Variants in DLGAP1 observed in about 807,000 individuals in gnomAD.
DLGAP1 encodes DLG associated protein 1.
DLGAP1 carries 11 observed loss-of-function variants against 90.8 expected under a neutral mutation model. The ratio of observed to expected loss-of-function variants is 0.12; its 90% CI spans 0.08 to 0.20. The LOEUF is 0.20. Among genes scored for constraint, DLGAP1 ranks in the 10% least tolerant of loss-of-function variants. The pLI, the probability that DLGAP1 is intolerant of heterozygous loss-of-function variation, is 1.00. For missense variants in DLGAP1, 1,050 were observed against 1,333.8 expected (o/e 0.79, Z 3.31); for synonymous variants, 558 against 540.7 (o/e 1.03, Z -0.44).
intron 3 of DLGAP1, among the ~76,000 whole-genome samples, chr18:3,989,099 C>T (rs769517347): frequency 1.3e-5 from 2 of 152,188 alleles, no homozygotes; most frequent in South Asian, 2.1e-4. Flanking sequence ...TCCCAGGACC[C>T]GGTCCCTATG....
chr18:3,598,594 A>G (rs931990936), intron 7 of DLGAP1, among the ~76,000 whole-genome samples: 2 of 147,682 alleles, frequency 1.4e-5, no homozygotes, highest in African/African-American at 2.5e-5. Context: ...CAGCCTCCCT[A>G]GTAGCTGGGA....
chr18:4,201,374 AGGGGGTCCTTTCCCCAAT>A (rs1022263557), intron 1 of DLGAP1, among the ~76,000 whole-genome samples: 1 of 152,146 alleles, frequency 6.6e-6, no homozygotes, highest in Non-Finnish European at 1.5e-5. Context: ...TTTATTGAAT[AGGGGGTCCTTTCCCCAAT>A]GTATGATTTT....
At chr18:4,449,379 T>C (rs2083759088) in intron 1 of DLGAP1, among the ~76,000 whole-genome samples, 1 of 152,184 alleles carries the variant, frequency 6.6e-6, no homozygotes, top group South Asian at 2.1e-4. Context: ...CCCATCACCT[T>C]ATATTCAGGC....
intron 3 of DLGAP1, among the ~76,000 whole-genome samples, chr18:4,002,671 A>G (rs1227154739): frequency 2.0e-5 from 3 of 152,190 alleles, no homozygotes; most frequent in Non-Finnish European, 4.4e-5. Context: ...ATAGTAGATT[A>G]TTAGTAGTTT....
chr18:4,266,048 T>C (rs2079124759), intron 1 of DLGAP1, among the ~76,000 whole-genome samples: 1 of 152,124 alleles, frequency 6.6e-6, no homozygotes. Flanking sequence ...ATTTTGCTCT[T>C]ATAGTGTGTT....
intron 2 of DLGAP1, among the ~76,000 whole-genome samples, chr18:4,127,696 A>G (rs1016771948): frequency 6.6e-6 from 1 of 152,192 alleles, no homozygotes; most frequent in African/African-American, 2.4e-5. Flanking sequence ...CTAAAATACT[A>G]TTTTATTGCT....
chr18:4,159,557 T>C (rs868413009), intron 1 of DLGAP1, among the ~76,000 whole-genome samples: 1 of 152,268 alleles, frequency 6.6e-6, no homozygotes, highest in South Asian at 2.1e-4. Context: ...TTTTTCTCAG[T>C]AAAATGAAAG....
chr18:3,915,238 C>T (rs1255034845), intron 3 of DLGAP1, among the ~76,000 whole-genome samples: 3 of 152,164 alleles, frequency 2.0e-5, no homozygotes, highest in African/African-American at 7.2e-5. Context: ...GAAACTATGG[C>T]TTCTTTTAAT....
Position 4,454,311 on chromosome 18 carries a change from T to C in DLGAP1, c.-267+695A>G, listed in dbSNP as rs569367607. The stretch of plus-strand genomic sequence containing the variant: ...AGCCCGGCTCATTCAATTCGCTGAA[T>C]GTCGGGTCTCCCGGCCCGCCCCGCG... On this transcript the variant is annotated intron_variant, in intron 1 of 12. Transcript: ENST00000315677. The surrounding 1 kb of genome is among the most constrained non-coding windows in gnomAD (Gnocchi z 4.7). Among the ~76,000 whole-genome samples, 1 of 152,286 alleles carries C rather than the reference T, an allele frequency of 6.6e-6. No individual in the cohort carries two copies. Among genetic ancestry groups the C allele is most frequent in the Admixed American group, 6.5e-5 (1 of 15,304 alleles).
At chr18:3,742,784 G>T (rs1284235070) in intron 5 of DLGAP1, among the ~76,000 whole-genome samples, 1 of 152,206 alleles carries the variant, frequency 6.6e-6, no homozygotes, top group East Asian at 1.9e-4. Context: ...ATCCTAGGAA[G>T]CAGATAATAA....
chr18:4,045,390 T>C (rs182908273), intron 2 of DLGAP1, among the ~76,000 whole-genome samples: 4 of 113,690 alleles, frequency 3.5e-5, no homozygotes, highest in African/African-American at 1.3e-4. Context: ...TTCTTGGAAA[T>C]AGAGATCACA....
chr18:3,506,026 C>T (rs1340439908), intron 11 of DLGAP1, among the ~76,000 whole-genome samples: 1 of 152,136 alleles, frequency 6.6e-6, no homozygotes, highest in African/African-American at 2.4e-5. Context: ...CACCTGAGGT[C>T]AGGAGTGCAA....
intron 2 of DLGAP1, among the ~76,000 whole-genome samples, chr18:4,103,917 CT>C (rs1330862749): frequency 6.6e-6 from 1 of 152,056 alleles, no homozygotes; most frequent in Non-Finnish European, 1.5e-5. Flanking sequence ...ATTTTTAATG[CT>C]TTAGAGTCAT....
At chr18:4,362,998 G>T (rs539891403) in intron 1 of DLGAP1, among the ~76,000 whole-genome samples, 1 of 151,978 alleles carries the variant, frequency 6.6e-6, no homozygotes, top group African/African-American at 2.4e-5. Context: ...AAGCAATGTC[G>T]ATGGCAAACA....
rs143154321 is a variant in DLGAP1 at position 4,443,582 on chromosome 18, C to T, written c.-267+11424G>A. Among the ~76,000 whole-genome samples the T allele has an allele frequency of 3.1e-4, 47 of 152,272 alleles. No individual in the cohort carries two copies. In the East Asian group the frequency reaches 4.8e-3, roughly 16 times the overall value. On this transcript the variant is annotated intron_variant, in intron 1 of 12. Transcript: ENST00000315677. ...CATTAAGTTAGAAGCCAGTCACTAC[C>T]GTGTAGCACAATTTCCATGGGAAAA...
At chr18:3,686,647 G>A (rs2060713867) in intron 7 of DLGAP1, among the ~76,000 whole-genome samples, 1 of 152,006 alleles carries the variant, frequency 6.6e-6, no homozygotes, top group Admixed American at 6.6e-5. Flanking sequence ...ATCTAGCCTA[G>A]ATCAAAGAAA....
At chr18:3,985,476 C>T (rs1343311390) in intron 3 of DLGAP1, among the ~76,000 whole-genome samples, 2 of 150,350 alleles carry the variant, frequency 1.3e-5, no homozygotes, top group African/African-American at 4.9e-5. Context: ...GATGATATAA[C>T]TTTCTGATCA....
intron 1 of DLGAP1, among the ~76,000 whole-genome samples, chr18:4,453,067 T>C (rs988947200): frequency 3.3e-5 from 5 of 152,194 alleles, no homozygotes; most frequent in African/African-American, 1.2e-4. Context: ...TAACATTTTC[T>C]CTTAAGTAAA....
chr18:3,604,152 T>C (rs1236574400), intron 7 of DLGAP1: 1 of 152,502 alleles, frequency 6.6e-6, no homozygotes, highest in Non-Finnish European at 1.5e-5. Flanking sequence ...AATGAACAGC[T>C]GGGACTATGC....
Sources: gnomAD v4.1 joint callset for allele counts (sites outside exome capture counted in the v4.1 genomes callset) on GRCh38, gnomAD v4.1.1 for gene constraint, Gnocchi (gnomAD v3.1) non-coding constraint, MANE v1.5 for transcripts, NCBI Gene and HGNC (gene_info 2026-07-23, HGNC 2026-07-21) for gene names.